SMO: variants seen among roughly 807,000 people sequenced by gnomAD.
SMO encodes the protein smoothened, frizzled class receptor.
A neutral mutation model predicts 81.6 loss-of-function variants in SMO; 40 were observed. That is an observed-to-expected ratio of 0.49 (90% CI 0.38 to 0.64). The LOEUF is 0.64. Among genes scored for constraint, SMO ranks in the 30% least tolerant of loss-of-function variants. The pLI is 0.00. For missense variants in SMO, 916 were observed against 1,061.1 expected, an observed-to-expected ratio of 0.86 and a Z score of 1.90; for synonymous variants, 434 against 432.1, an observed-to-expected ratio of 1.00 and a Z score of -0.05.
rs1563151628 is a variant in SMO, at chr7:129,211,237, C to T, written c.1801+124C>T. 1 of 1,033,964 alleles carries T rather than the reference C, an allele frequency of 9.7e-7. No homozygotes were observed. The highest frequency in any genetic ancestry group is 2.5e-5 in the East Asian group (1 of 40,252). 64.0% of individuals were successfully genotyped at this position (1,033,964 alleles called of 1,614,324 possible). A position where few individuals can be genotyped will look rare whatever the true frequency, so the allele number is the denominator to read the frequency against. ...CCGACTGTGAGGAGCAAGGCGCTCCCTCCATCGCTCACACACCCATTCTTC... is the reference window on the plus strand; with the variant it reads ...CCGACTGTGAGGAGCAAGGCGCTCCTTCCATCGCTCACACACCCATTCTTC... On this transcript the variant is annotated intron_variant, in intron 10 of 11. Transcript: ENST00000249373. This position sits in a 1 kb window ranked among gnomAD's most constrained non-coding sequence, Gnocchi z 4.6.
Position 129,212,141 on chromosome 7 carries a change from T to A in SMO, c.2054T>A (p.Leu685Gln). Reference sequence around the variant, plus strand: ...AAGAGGAAGAAGGAGGTGTGCCCGCTGGCGCCGCCCCCTGAGCTTCACCCC... The same window carrying A: ...AAGAGGAAGAAGGAGGTGTGCCCGCAGGCGCCGCCCCCTGAGCTTCACCCC... Reference protein sequence around the residue: ...RRKRKKEVCPLAPPPELHPPA... With the variant: ...RRKRKKEVCPQAPPPELHPPA... Residue 685 changes from leucine (L) to glutamine (Q), a missense_variant, in exon 12 of 12, where the codon CTG becomes CAG. Physicochemically the swap from Leu to Gln is moderately radical, Grantham distance 113. Transcript: ENST00000249373. This position sits in a 1 kb window ranked among gnomAD's most constrained non-coding sequence, Gnocchi z 5.0. The A allele has an allele frequency of 6.4e-7, 1 of 1,558,940 alleles. No individual in the cohort carries two copies. Among genetic ancestry groups the A allele is most frequent in the Non-Finnish European group, 8.7e-7 (1 of 1,151,632 alleles).
In SMO at chr7:129,210,955, C is replaced by T. The variant is rs2150654492; in HGVS notation, c.1653-10C>T. 1 of 1,598,296 alleles carries T rather than the reference C, an allele frequency of 6.3e-7. No individual in the cohort carries two copies. Among genetic ancestry groups the T allele is most frequent in the Non-Finnish European group, 8.5e-7 (1 of 1,171,814 alleles). On this transcript the variant is annotated splice_polypyrimidine_tract_variant and intron_variant, in intron 9 of 11. Coordinates refer to ENST00000249373, the MANE Select transcript of SMO (RefSeq NM_005631.5). The surrounding 1 kb of genome is among the most constrained non-coding windows in gnomAD (Gnocchi z 4.7). ...TCTTCACGCTCCTTCCCTATCCCTT[C>T]TGCTCTCAGGTTGACTGGGCAGAGT... is the stretch of plus-strand genomic sequence containing the variant.
Position 129,212,162 on chromosome 7 carries a change from AC to A in SMO, c.2081del (p.Pro694LeufsTer82). 6.4e-7 allele frequency: 1 copy of A among 1,554,834 alleles called. No individual in the cohort carries two copies. Among genetic ancestry groups the A allele is most frequent in the Admixed American group, 1.9e-5 (1 of 51,414 alleles). Reference protein sequence around the residue: ...VCPLAPPPELHPPAPAPSTIP... With the variant: ...VCPLAPPPELXPPAPAPSTIP... The stretch of plus-strand genomic sequence containing the variant: ...CCGCTGGCGCCGCCCCCTGAGCTTC[AC>A]CCCCCTGCCCCTGCCCCCAGTACCA... On this transcript the variant is annotated frameshift_variant, in exon 12 of 12. Transcript: ENST00000249373. LOFTEE classifies it high-confidence loss of function. This position sits in a 1 kb window ranked among gnomAD's most constrained non-coding sequence, Gnocchi z 5.0.
chr7:129,190,766 A>G (rs982060900), intron 1 of SMO, among the ~76,000 whole-genome samples: 6 of 152,244 alleles, frequency 3.9e-5, no homozygotes, highest in African/African-American at 1.4e-4. Context: ...AGCACAGCAC[A>G]TTAGACAGAA....
At chr7:129,193,313 G>T (rs956304520) in intron 1 of SMO, among the ~76,000 whole-genome samples, 4 of 152,170 alleles carry the variant, frequency 2.6e-5, no homozygotes, top group African/African-American at 9.7e-5. Flanking sequence ...AGAGACAAAG[G>T]CTGGGAGGAA....
Position 129,210,659 on chromosome 7 carries a change from C to A in SMO, c.1652+111C>A. 1.1e-6 allele frequency: 1 copy of A among 904,794 alleles called. No homozygotes were observed. The highest frequency in any genetic ancestry group is 1.7e-6 in the Non-Finnish European group (1 of 590,680). 56.0% of individuals were successfully genotyped at this position (904,794 alleles called of 1,614,324 possible). A position where few individuals can be genotyped will look rare whatever the true frequency, so the allele number is the denominator to read the frequency against. On this transcript the variant is annotated intron_variant, in intron 9 of 11. Coordinates refer to ENST00000249373, the MANE Select transcript of SMO (RefSeq NM_005631.5). The surrounding 1 kb of genome is among the most constrained non-coding windows in gnomAD (Gnocchi z 4.7). ...TCTAGCACAGCCTTGGTCAGTGGTT[C>A]ACCGCTGCCCCCTGGTGGCACCTTC...
chr7:129,210,717 C>T lies in SMO; in HGVS notation c.1652+169C>T, dbSNP rs1450866095. 6.6e-6 allele frequency among the ~76,000 whole-genome samples: 1 copy of T among 152,262 alleles called. No homozygotes were observed. Among genetic ancestry groups the T allele is most frequent in the African/African-American group, 2.4e-5 (1 of 41,470 alleles). On this transcript the variant is annotated intron_variant, in intron 9 of 11. Coordinates refer to ENST00000249373, the MANE Select transcript of SMO (RefSeq NM_005631.5). The surrounding 1 kb of genome is among the most constrained non-coding windows in gnomAD (Gnocchi z 4.7). ...GGGTGGCCTGATGCCTGGGCCTGGG[C>T]CTGGGCCAAGGGCAGAGCCAGCTGC...
chr7:129,201,229 TA>T (rs1393958407), intron 1 of SMO, among the ~76,000 whole-genome samples: 1 of 151,866 alleles, frequency 6.6e-6, no homozygotes, highest in Non-Finnish European at 1.5e-5. Context: ...GTATTTTTAG[TA>T]GAGACAGGGT....
chr7:129,209,841 GAGAGTA>G (rs1355290616), intron 8 of SMO: 2 of 186,984 alleles, frequency 1.1e-5, no homozygotes, highest in Admixed American at 1.1e-4. Context: ...ATGGATTGGA[GAGAGTA>G]AGACATTGCT....
In SMO at chr7:129,188,977, T is replaced by C. The variant is rs1346749624; in HGVS notation, c.-175T>C. The stretch of plus-strand genomic sequence containing the variant: ...GCCCCGGGTTCCAAAGTTTGCGAAG[T>C]TGGGCGCCGAGGGGCCGGGGCGCGC... On this transcript the variant is annotated 5_prime_UTR_variant, in exon 1 of 12. Transcript: ENST00000249373. The surrounding 1 kb of genome is among the most constrained non-coding windows in gnomAD (Gnocchi z 4.9). The C allele has an allele frequency of 6.8e-6, 3 of 441,956 alleles. No individual in the cohort carries two copies. The highest frequency in any genetic ancestry group is 1.2e-4 in the South Asian group (1 of 8,464). The allele number at this position is 441,956 out of a possible 1,614,324, so 27.4% of individuals were successfully genotyped here. A position where few individuals can be genotyped will look rare whatever the true frequency, so the allele number is the denominator to read the frequency against.
chr7:129,208,175 C>T lies in SMO; in HGVS notation c.1265-584C>T, dbSNP rs539050148. On this transcript the variant is annotated intron_variant, in intron 6 of 11. Coordinates refer to ENST00000249373, the MANE Select transcript of SMO (RefSeq NM_005631.5). This position sits in a 1 kb window ranked among gnomAD's most constrained non-coding sequence, Gnocchi z 5.2. Reference sequence around the variant, plus strand: ...GGCTCACATATTTCTATGGGAAGGCCGGCATGGTGGCTCACACCTGTAATC... The same window carrying T: ...GGCTCACATATTTCTATGGGAAGGCTGGCATGGTGGCTCACACCTGTAATC... 4.0e-5 allele frequency among the ~76,000 whole-genome samples: 6 copies of T among 151,730 alleles called. No homozygotes were observed. Among genetic ancestry groups the T allele is most frequent in the South Asian group, 2.1e-4 (1 of 4,804 alleles).
chr7:129,205,893 C>G, intron 4 of SMO, 111 bp downstream of exon 4: 1 of 925,394 alleles, frequency 1.1e-6, no homozygotes, highest in Non-Finnish European at 1.6e-6. Flanking sequence ...CAGGATCTGG[C>G]TCTGCCCTAC....
chr7:129,200,121 G>T (rs1793646975), intron 1 of SMO, among the ~76,000 whole-genome samples: 1 of 152,036 alleles, frequency 6.6e-6, no homozygotes, highest in South Asian at 2.1e-4. Context: ...CCACTCCAAG[G>T]TTTAAAAAAT....
rs952627162 is a variant in SMO, at chr7:129,210,759, C to T, written c.1653-206C>T. ...GCCAGCTGCCATCACCTTTTAAGAGCGGAGTGATTGGAGGGCTGGGCACAC... is the reference window on the plus strand; with the variant it reads ...GCCAGCTGCCATCACCTTTTAAGAGTGGAGTGATTGGAGGGCTGGGCACAC... On this transcript the variant is annotated intron_variant, in intron 9 of 11. Transcript: ENST00000249373. This position sits in a 1 kb window ranked among gnomAD's most constrained non-coding sequence, Gnocchi z 4.7. Among the ~76,000 whole-genome samples the T allele has an allele frequency of 2.0e-5, 3 of 152,226 alleles. No individual in the cohort carries two copies. Among genetic ancestry groups the T allele is most frequent in the Non-Finnish European group, 2.9e-5 (2 of 68,032 alleles).
At chr7:129,200,967 C>A (rs1012920952) in intron 1 of SMO, among the ~76,000 whole-genome samples, 1 of 151,482 alleles carries the variant, frequency 6.6e-6, no homozygotes, top group Non-Finnish European at 1.5e-5. Context: ...AAACTCCCGA[C>A]CTCAAGTGAT....
chr7:129,194,199 A>C (rs1472635234), intron 1 of SMO, among the ~76,000 whole-genome samples: 2 of 152,034 alleles, frequency 1.3e-5, no homozygotes, highest in Admixed American at 6.6e-5. Flanking sequence ...CATGGACCTA[A>C]GTCTTTTTTA....
At position 129,189,417 on chromosome 7, in the gene SMO, C is replaced by G. The variant is rs751995075; in HGVS notation, c.266C>G (p.Ser89Cys). The G allele has an allele frequency of 8.4e-5, 129 of 1,538,664 alleles. No individual in the cohort carries two copies. Among genetic ancestry groups the G allele is most frequent in the Non-Finnish European group, 1.0e-4 (117 of 1,146,796 alleles). The change falls in exon 1 of 12, where the codon TCC becomes TGC. Residue 89 changes from serine to cysteine, a missense_variant. Around this residue, in one of 4 missense-constraint regions of SMO, gnomAD observed 146 missense variants for 149.9 expected, o/e 0.97. Transcript: ENST00000249373. The surrounding 1 kb of genome is among the most constrained non-coding windows in gnomAD (Gnocchi z 4.7). ...TCGGTGCTGCCCTACGGGGCCACCT[C>G]CACACTGCTGGCCGGAGACTCGGAC... The part of the protein sequence containing the change: ...LGSVLPYGAT[S>C]TLLAGDSDSQ...
At position 129,208,480 on chromosome 7, in the gene SMO, GTC is replaced by G. The variant is rs1362370138; in HGVS notation, c.1265-277_1265-276del. On this transcript the variant is annotated intron_variant, in intron 6 of 11. Coordinates refer to ENST00000249373, the MANE Select transcript of SMO (RefSeq NM_005631.5). This position sits in a 1 kb window ranked among gnomAD's most constrained non-coding sequence, Gnocchi z 5.2. ...ATTATATGGATAGCGCTGTTCTTGA[GTC>G]TGTTTTATGTCTTTCCCATCAGAAC... 6.6e-6 allele frequency among the ~76,000 whole-genome samples: 1 copy of G among 151,952 alleles called. No homozygotes were observed. The highest frequency in any genetic ancestry group is 1.5e-5 in the Non-Finnish European group (1 of 67,998).
chr7:129,196,100 C>CAA (rs1011373792), intron 1 of SMO, among the ~76,000 whole-genome samples: 2 of 57,242 alleles, frequency 3.5e-5, no homozygotes, highest in African/African-American at 1.2e-4. Context: ...GACTCCCTCT[C>CAA]AAAAAAAAAA....
Sources: allele counts gnomAD v4.1 joint callset (sites outside exome capture counted in the v4.1 genomes callset), GRCh38; gene constraint gnomAD v4.1.1; regional missense constraint gnomAD v4.1.1; non-coding constraint Gnocchi (gnomAD v3.1); transcripts MANE v1.5; gene names NCBI Gene and HGNC (gene_info 2026-07-23, HGNC 2026-07-21).